The following DCC variants were observed in gnomAD, a reference collection of about 807,000 sequenced individuals.
DCC encodes netrin receptor DCC.
Under a neutral mutation model 172.5 loss-of-function variants are expected in DCC, and 58 were observed. The ratio of observed to expected loss-of-function variants is 0.34; its 90% CI spans 0.27 to 0.42. The LOEUF (loss-of-function observed/expected upper bound fraction) is 0.42. DCC is among the 10% of genes least tolerant of loss of function. The pLI is 1.00. For missense variants in DCC, 1,740 were observed against 1,791.0 expected (o/e 0.97, Z 0.51); for synonymous variants, 709 against 644.5 (o/e 1.10, Z -1.52).
At chr18:53,179,474 G>A (rs1187001422) in intron 9 of DCC, among the ~76,000 whole-genome samples, 1 of 152,140 alleles carries the variant, frequency 6.6e-6, no homozygotes, top group African/African-American at 2.4e-5. Flanking sequence ...TGTAAAGAGT[G>A]TAACATCAAA....
chr18:52,841,414 TTAAAC>T lies in DCC; in HGVS notation c.413-64625_413-64621del, dbSNP rs144223981. On this transcript the variant is annotated intron_variant, in intron 2 of 28. Coordinates refer to ENST00000442544, the MANE Select transcript of DCC (RefSeq NM_005215.4). Reference sequence around the variant, plus strand: ...ACCTTGAACTTGCAGCTGAAACTTTTTAAACTAAAATGTCTCTAAGTATTTCCACT... The same window carrying T: ...ACCTTGAACTTGCAGCTGAAACTTTTTAAAATGTCTCTAAGTATTTCCACT... 7.2e-3 allele frequency among the ~76,000 whole-genome samples: 1,095 copies of T among 152,272 alleles called. 15 individuals carry two copies. Among genetic ancestry groups the T allele is most frequent in the African/African-American group, 0.025 (1,027 of 41,548 alleles).
chr18:52,574,149 C>T (rs2033360179), intron 1 of DCC, among the ~76,000 whole-genome samples: 1 of 152,158 alleles, frequency 6.6e-6, no homozygotes, highest in Admixed American at 6.5e-5. Context: ...TTTTAAATCA[C>T]TTTGTTAAAT....
At chr18:52,653,093 C>A (rs1489406050) in intron 1 of DCC, among the ~76,000 whole-genome samples, 1 of 152,098 alleles carries the variant, frequency 6.6e-6, no homozygotes, top group African/African-American at 2.4e-5. Flanking sequence ...TCATTGCCTG[C>A]ACAAAAGCAC....
intron 5 of DCC, among the ~76,000 whole-genome samples, chr18:52,932,789 A>C (rs1053359813): frequency 6.6e-6 from 1 of 152,118 alleles, no homozygotes; most frequent in Non-Finnish European, 1.5e-5. Context: ...GTATATGTGC[A>C]TACATATACA....
chr18:52,479,621 A>T (rs1333550370), intron 1 of DCC, among the ~76,000 whole-genome samples: 2 of 139,530 alleles, frequency 1.4e-5, no homozygotes, highest in African/African-American at 5.6e-5. Context: ...GTTCTATTTC[A>T]AGTGGTACTC....
intron 5 of DCC, among the ~76,000 whole-genome samples, chr18:52,942,641 A>C (rs2040482036): frequency 6.6e-6 from 1 of 152,170 alleles, no homozygotes; most frequent in Non-Finnish European, 1.5e-5. Flanking sequence ...ACCCCTGATA[A>C]AACCATCAGA....
intron 1 of DCC, among the ~76,000 whole-genome samples, chr18:52,726,979 T>C (rs1368533541): frequency 6.6e-6 from 1 of 152,208 alleles, no homozygotes. Flanking sequence ...TTAAAATTTC[T>C]CTGGCTTAGG....
At chr18:53,471,447 A>T (rs1202233783) in intron 25 of DCC, among the ~76,000 whole-genome samples, 3 of 152,172 alleles carry the variant, frequency 2.0e-5, no homozygotes, top group Non-Finnish European at 4.4e-5. Flanking sequence ...TTGCCTTTAC[A>T]GTCAATTCTC....
chr18:52,848,276 G>A (rs1038204024), intron 2 of DCC, among the ~76,000 whole-genome samples: 3 of 151,848 alleles, frequency 2.0e-5, no homozygotes, highest in Admixed American at 2.0e-4. Flanking sequence ...TGGTAAAGAT[G>A]GGGTTTTGCC....
chr18:53,099,943 C>CTTTCTTTCTTTTTTTTTT (rs2043143038), intron 7 of DCC, among the ~76,000 whole-genome samples: 1 of 92,754 alleles, frequency 1.1e-5, no homozygotes, highest in African/African-American at 5.0e-5. Context: ...TTCTTTCTTT[C>CTTTCTTTCTTTTTTTTTT]TTTTTTTTTT....
intron 1 of DCC, among the ~76,000 whole-genome samples, chr18:52,353,520 G>A (rs557701485): frequency 3.3e-5 from 5 of 152,272 alleles, no homozygotes; most frequent in Admixed American, 1.3e-4. Context: ...ACTGAACCTC[G>A]CCTTTTGATT....
At chr18:52,619,294 T>C (rs117474969) in intron 1 of DCC, among the ~76,000 whole-genome samples, 17 of 152,372 alleles carry the variant, frequency 1.1e-4, no homozygotes, top group Non-Finnish European at 2.1e-4. Context: ...GAAAGATATC[T>C]AGCTAGTATC....
At chr18:53,507,358 A>G (rs1262225032) in intron 27 of DCC, among the ~76,000 whole-genome samples, 1 of 152,212 alleles carries the variant, frequency 6.6e-6, no homozygotes, top group Non-Finnish European at 1.5e-5. Flanking sequence ...AAACAGTTTA[A>G]CCATCAGCAA....
At position 52,906,099 on chromosome 18, in the gene DCC, A is replaced by T; in HGVS notation, c.468A>T (p.Thr156=). ...CTGTCACAGCCTTCATGGGAGACAC[A>T]GTGCTACTCAAGTGTGAAGTCATTG... The part of the protein sequence containing the change: ...TESVTAFMGD[T]VLLKCEVIGE... The change falls in exon 3 of 29, where the codon ACA becomes ACT. Residue 156 remains threonine, a synonymous_variant. Coordinates refer to ENST00000442544, the MANE Select transcript of DCC (RefSeq NM_005215.4). 6.2e-7 allele frequency: 1 copy of T among 1,612,754 alleles called. No individual in the cohort carries two copies.
chr18:52,724,476 A>C (rs910795390), intron 1 of DCC, among the ~76,000 whole-genome samples: 4 of 152,046 alleles, frequency 2.6e-5, no homozygotes, highest in Non-Finnish European at 5.9e-5. Context: ...TCCTTTCTCA[A>C]TAGCCAGTTT....
intron 1 of DCC, among the ~76,000 whole-genome samples, chr18:52,573,836 T>C (rs2033353795): frequency 6.6e-6 from 1 of 152,226 alleles, no homozygotes; most frequent in African/African-American, 2.4e-5. Flanking sequence ...TTCTAGATTT[T>C]AGATGTCCAG....
At chr18:53,177,238 A>C (rs1225034770) in intron 8 of DCC, among the ~76,000 whole-genome samples, 7 of 152,032 alleles carry the variant, frequency 4.6e-5, no homozygotes, top group African/African-American at 1.4e-4. Flanking sequence ...CTAGATGACG[A>C]GTTAGTGGGT....
intron 12 of DCC, among the ~76,000 whole-genome samples, chr18:53,291,185 A>C (rs1384656409): frequency 6.6e-6 from 1 of 152,122 alleles, no homozygotes; most frequent in East Asian, 1.9e-4. Context: ...AAAAGAAAAA[A>C]GATATTGGAG....
At chr18:52,916,043 AG>A (rs1282703838) in intron 3 of DCC, among the ~76,000 whole-genome samples, 4 of 152,130 alleles carry the variant, frequency 2.6e-5, no homozygotes, top group Non-Finnish European at 5.9e-5. Flanking sequence ...TCCATGAAAA[AG>A]CAGTGAAAAT....
Sources: allele counts gnomAD v4.1 joint callset (sites outside exome capture counted in the v4.1 genomes callset), GRCh38; gene constraint gnomAD v4.1.1; transcripts MANE v1.5; gene names NCBI Gene and HGNC (gene_info 2026-07-23, HGNC 2026-07-21).